Variants in DNM3 observed in about 807,000 individuals in gnomAD.
DNM3 encodes dynamin-3.
Under a neutral mutation model 101.6 loss-of-function variants are expected in DNM3, and 47 were observed. That is an observed-to-expected ratio of 0.46 (90% CI 0.37 to 0.59). DNM3 has a LOEUF of 0.59. Ranked by LOEUF, DNM3 falls within the 20% of genes least tolerant of loss-of-function variation. DNM3 has a pLI of 0.00. For synonymous variants in DNM3, 385 were observed against 387.9 expected, an observed-to-expected ratio of 0.99 and a Z score of 0.09; for missense variants, 849 against 1,085.7, an observed-to-expected ratio of 0.78 and a Z score of 3.06.
At chr1:172,280,566 T>C (rs951463461) in intron 15 of DNM3, among the ~76,000 whole-genome samples, 6 of 152,188 alleles carry the variant, frequency 3.9e-5, no homozygotes, top group African/African-American at 1.4e-4. Context: ...AACCGATTTA[T>C]TTAATGATAA....
chr1:172,128,094 C>G (rs1204579566), intron 13 of DNM3, among the ~76,000 whole-genome samples: 1 of 152,170 alleles, frequency 6.6e-6, no homozygotes, highest in Non-Finnish European at 1.5e-5. Flanking sequence ...GCTTTTGTTT[C>G]TCTGACATTC....
intron 1 of DNM3, among the ~76,000 whole-genome samples, chr1:171,852,549 A>G (rs568870510): frequency 9.2e-5 from 14 of 152,340 alleles, no homozygotes; most frequent in Admixed American, 5.9e-4. Flanking sequence ...CAGGCTAACA[A>G]TTCTTATGAG....
chr1:171,859,712 A>T (rs1055283192), intron 1 of DNM3, among the ~76,000 whole-genome samples: 2 of 152,190 alleles, frequency 1.3e-5, no homozygotes, highest in African/African-American at 2.4e-5. Context: ...ATAATTATAA[A>T]TCAGTATGGA....
chr1:172,359,311 T>C (rs1263099583), intron 17 of DNM3, among the ~76,000 whole-genome samples: 5 of 152,158 alleles, frequency 3.3e-5, no homozygotes, highest in African/African-American at 1.2e-4. Flanking sequence ...AGAAATCTTC[T>C]TGCTGTTCAT....
At chr1:171,948,152 A>G (rs796470592) in intron 2 of DNM3, among the ~76,000 whole-genome samples, 14 of 152,348 alleles carry the variant, frequency 9.2e-5, no homozygotes, top group African/African-American at 3.1e-4. Flanking sequence ...ACAGACAGCA[A>G]TTACATCTGT....
intron 1 of DNM3, among the ~76,000 whole-genome samples, chr1:171,872,624 G>A (rs1007552589): frequency 1.3e-5 from 2 of 152,076 alleles, no homozygotes; most frequent in East Asian, 1.9e-4. Flanking sequence ...CTAGTCTCTC[G>A]GCATGCTGGC....
chr1:172,400,697 A>C (rs2070414800), intron 20 of DNM3, among the ~76,000 whole-genome samples: 1 of 152,174 alleles, frequency 6.6e-6, no homozygotes, highest in Non-Finnish European at 1.5e-5. Context: ...TAGAAATCAT[A>C]TTTTAATACA....
chr1:171,971,396 G>A (rs1210048775), intron 2 of DNM3, among the ~76,000 whole-genome samples: 1 of 151,976 alleles, frequency 6.6e-6, no homozygotes, highest in Non-Finnish European at 1.5e-5. Flanking sequence ...GCATTCATTT[G>A]ACAATTATTC....
chr1:171,841,917 C>A (rs971405609), intron 1 of DNM3, 100 bp downstream of exon 1: 1 of 1,458,592 alleles, frequency 6.9e-7, no homozygotes, highest in Non-Finnish European at 9.1e-7. Context: ...GGTGGATGGA[C>A]CAGGCGCTGC....
chr1:172,052,646 T>C (rs947637610), intron 10 of DNM3, among the ~76,000 whole-genome samples: 1 of 152,134 alleles, frequency 6.6e-6, no homozygotes, highest in African/African-American at 2.4e-5. Context: ...TTCCACTCTC[T>C]TTATAAAGCT....
At chr1:172,184,987 C>T (rs907029806) in intron 14 of DNM3, among the ~76,000 whole-genome samples, 2 of 151,806 alleles carry the variant, frequency 1.3e-5, no homozygotes, top group African/African-American at 2.4e-5. Context: ...AAGAGAGCAT[C>T]GAACATCTGG....
chr1:172,061,965 G>A (rs2051263482), intron 10 of DNM3, among the ~76,000 whole-genome samples: 1 of 152,074 alleles, frequency 6.6e-6, no homozygotes, highest in Non-Finnish European at 1.5e-5. Flanking sequence ...AATGTAATAG[G>A]CTTTAGTGCC....
intron 14 of DNM3, among the ~76,000 whole-genome samples, chr1:172,158,836 C>G (rs1371629261): frequency 6.6e-6 from 1 of 151,998 alleles, no homozygotes; most frequent in Non-Finnish European, 1.5e-5. Flanking sequence ...TTCCCTAATA[C>G]TCTACTATGT....
chr1:172,146,253 C>T (rs1334463721), intron 14 of DNM3, among the ~76,000 whole-genome samples: 1 of 152,118 alleles, frequency 6.6e-6, no homozygotes, highest in African/African-American at 2.4e-5. Context: ...TGAGTACTGT[C>T]CTAAAGCATT....
At chr1:172,261,423 G>C (rs1003300941) in intron 15 of DNM3, among the ~76,000 whole-genome samples, 1 of 152,214 alleles carries the variant, frequency 6.6e-6, no homozygotes, top group African/African-American at 2.4e-5. Flanking sequence ...TGGTGGCTTA[G>C]AATGCAGTTG....
At chr1:171,882,265 C>A (rs566990257) in intron 1 of DNM3, among the ~76,000 whole-genome samples, 4 of 147,750 alleles carry the variant, frequency 2.7e-5, no homozygotes, top group African/African-American at 1.0e-4. Context: ...ATTGCTTGAA[C>A]CTGGGAGGCG....
At chr1:172,093,014 G>T in intron 13 of DNM3, 139 bp downstream of exon 13, 2 of 809,596 alleles carry the variant, frequency 2.5e-6, no homozygotes, top group East Asian at 3.0e-5. Context: ...ATTTGTTTTT[G>T]CTTTTAAAAT....
At chr1:172,051,882 T>C (rs1376122315) in intron 10 of DNM3, among the ~76,000 whole-genome samples, 3 of 152,228 alleles carry the variant, frequency 2.0e-5, no homozygotes, top group Non-Finnish European at 4.4e-5. Flanking sequence ...TAAAATTTAC[T>C]GCTTATCTTT....
intron 4 of DNM3, among the ~76,000 whole-genome samples, chr1:171,998,277 G>A (rs2046135197): frequency 6.6e-6 from 1 of 152,120 alleles, no homozygotes; most frequent in African/African-American, 2.4e-5. Flanking sequence ...CACTGTTAAA[G>A]TTACACTGTG....
Sources: gnomAD v4.1 joint callset for allele counts (sites outside exome capture counted in the v4.1 genomes callset) on GRCh38, gnomAD v4.1.1 for gene constraint, MANE v1.5 for transcripts, NCBI Gene and HGNC (gene_info 2026-07-23, HGNC 2026-07-21) for gene names.